The following ZNF90 variants were observed in gnomAD, a reference collection of about 807,000 sequenced individuals.
The protein encoded by ZNF90 is zinc finger protein HTF9.
A neutral mutation model predicts 12.0 loss-of-function variants in ZNF90; 11 were observed. The ratio of observed to expected loss-of-function variants is 0.92; its 90% confidence interval spans 0.58 to 1.52. ZNF90 has a LOEUF of 1.52. Ranked by LOEUF, ZNF90 falls within the 40% of genes most tolerant of loss-of-function variation. ZNF90 has a pLI of 0.00. For synonymous variants in ZNF90, 232 were observed against 240.1 expected (o/e 0.97, Z 0.31); for missense variants, 765 against 711.5 (o/e 1.08, Z -0.86).
chr19:20,078,223 G>A (rs970182801), intron 1 of ZNF90, 88 bp downstream of exon 1: 10 of 1,545,050 alleles, frequency 6.5e-6, no homozygotes, highest in African/African-American at 2.7e-5. Flanking sequence ...AGGCCTCCCC[G>A]CAGTCAGCTC....
intron 2 of ZNF90, among the ~76,000 whole-genome samples, 178 bp downstream of exon 2, chr19:20,104,543 T>C (rs1412696631): frequency 2.0e-5 from 3 of 152,216 alleles, no homozygotes; most frequent in Non-Finnish European, 4.4e-5. Flanking sequence ...TCATCTTAAT[T>C]TAAACTTTCC....
chr19:20,119,553 A>G lies in ZNF90; in HGVS notation c.*193A>G. 1 of 573,386 alleles carries G rather than the reference A, an allele frequency of 1.7e-6. No individual in the cohort carries two copies. The highest frequency in any genetic ancestry group is 3.0e-6 in the Non-Finnish European group (1 of 331,856). The allele number at this position is 573,386 out of a possible 1,614,324, so 35.5% of individuals were successfully genotyped here. Reference sequence around the variant, plus strand: ...AGGAAGTTCTCAACCCTTACTACACATAATTCATACTGGACGGAAACTCTA... The same window carrying G: ...AGGAAGTTCTCAACCCTTACTACACGTAATTCATACTGGACGGAAACTCTA... On this transcript the variant is annotated 3_prime_UTR_variant, in exon 4 of 4. Transcript: ENST00000418063.
chr19:20,101,253 C>T (rs557692155), intron 1 of ZNF90, among the ~76,000 whole-genome samples: 7 of 152,326 alleles, frequency 4.6e-5, no homozygotes, highest in East Asian at 1.9e-4. Context: ...GAACACTAGT[C>T]GCTGGGTTCC....
chr19:20,109,848 A>G (rs1302159523), intron 3 of ZNF90, among the ~76,000 whole-genome samples: 1 of 152,190 alleles, frequency 6.6e-6, no homozygotes, highest in Non-Finnish European at 1.5e-5. Flanking sequence ...CTCCAAAAAA[A>G]AAAGCTGTTT....
Position 20,119,371 on chromosome 19 carries a change from A to G in ZNF90, c.*11A>G. The G allele has an allele frequency of 6.4e-7, 1 of 1,556,076 alleles. No individual in the cohort carries two copies. The highest frequency in any genetic ancestry group is 8.7e-7 in the Non-Finnish European group (1 of 1,150,048). ...ATGGCAAATCTTTGAAATATTCCTC[A>G]ACCCTTAATAAACATAAGATAATTC... On this transcript the variant is annotated 3_prime_UTR_variant, in exon 4 of 4. Transcript: ENST00000418063.
intron 1 of ZNF90, among the ~76,000 whole-genome samples, chr19:20,090,548 G>T (rs1272523738): frequency 6.6e-6 from 1 of 152,112 alleles, no homozygotes; most frequent in Non-Finnish European, 1.5e-5. Flanking sequence ...GACTAAGTAG[G>T]GTCCCGTCCA....
At chr19:20,086,785 C>T (rs1446465881) in intron 1 of ZNF90, among the ~76,000 whole-genome samples, 8 of 152,120 alleles carry the variant, frequency 5.3e-5, no homozygotes, top group Admixed American at 4.6e-4. Flanking sequence ...CAAATTGTTA[C>T]ATTAAGTAGA....
At position 20,119,935 on chromosome 19, in the gene ZNF90, C is replaced by T. The variant is rs782440462; in HGVS notation, c.*575C>T. On this transcript the variant is annotated 3_prime_UTR_variant, in exon 4 of 4. Coordinates refer to ENST00000418063, the MANE Select transcript of ZNF90 (RefSeq NM_007138.2). ...GGTGATAATTCATGCTGAAGAGGAA[C>T]TTTACAAACTTGAAAGATGTGACAG... 3.3e-5 allele frequency among the ~76,000 whole-genome samples: 5 copies of T among 152,188 alleles called. No individual in the cohort carries two copies. Among genetic ancestry groups the T allele is most frequent in the Non-Finnish European group, 7.3e-5 (5 of 68,032 alleles).
chr19:20,104,963 C>T (rs1340015308), intron 2 of ZNF90, among the ~76,000 whole-genome samples: 2 of 152,066 alleles, frequency 1.3e-5, no homozygotes, highest in African/African-American at 4.8e-5. Context: ...CATTGCACAC[C>T]AGCCTGGGTA....
At chr19:20,106,974 T>C (rs1157847881) in intron 3 of ZNF90, 7 of 454,436 alleles carry the variant, frequency 1.5e-5, no homozygotes, top group African/African-American at 1.0e-4. Context: ...GACTTTGCTC[T>C]GTAGGGCAGA....
chr19:20,105,038 A>G (rs1388138940), intron 2 of ZNF90, among the ~76,000 whole-genome samples, 183 bp from the exon 3 acceptor site: 1 of 152,026 alleles, frequency 6.6e-6, no homozygotes, highest in African/African-American at 2.4e-5. Flanking sequence ...AAAACAAAAA[A>G]CCACACACAC....
intron 1 of ZNF90, among the ~76,000 whole-genome samples, chr19:20,103,140 A>G (rs2089003429): frequency 6.6e-6 from 1 of 152,186 alleles, no homozygotes; most frequent in South Asian, 2.1e-4. Context: ...GCGATCCTCG[A>G]GGCTGTGAAG....
chr19:20,082,216 G>A (rs1004199138), intron 1 of ZNF90, among the ~76,000 whole-genome samples: 2 of 151,958 alleles, frequency 1.3e-5, no homozygotes, highest in African/African-American at 2.4e-5. Flanking sequence ...GATCCTCATG[G>A]TCCTCCCACT....
intron 1 of ZNF90, among the ~76,000 whole-genome samples, chr19:20,096,559 C>A (rs1028312751): frequency 6.6e-6 from 1 of 151,546 alleles, no homozygotes; most frequent in African/African-American, 2.4e-5. Context: ...AGTGGGGGTG[C>A]TTTTTGAGCC....
chr19:20,106,748 C>T (rs932915014), intron 3 of ZNF90, among the ~76,000 whole-genome samples: 16 of 152,170 alleles, frequency 1.1e-4, no homozygotes, highest in Admixed American at 2.6e-4. Flanking sequence ...CCACTGCGCC[C>T]GGCCCAGGTT....
At chr19:20,108,137 A>C (rs868936432) in intron 3 of ZNF90, among the ~76,000 whole-genome samples, 16 of 138,670 alleles carry the variant, frequency 1.2e-4, no homozygotes, top group Middle Eastern at 3.6e-3. Context: ...TTTTTAACAA[A>C]TCTAGTTTTA....
chr19:20,112,571 C>T (rs1449223422), intron 3 of ZNF90, among the ~76,000 whole-genome samples: 1 of 152,112 alleles, frequency 6.6e-6, no homozygotes, highest in African/African-American at 2.4e-5. Context: ...ATCCACCCAC[C>T]TCGGCCTCCC....
chr19:20,105,214 A>G lies in ZNF90; in HGVS notation c.131-7A>G. 8 of 1,592,562 alleles carry G rather than the reference A, an allele frequency of 5.0e-6. No individual in the cohort carries two copies. Among genetic ancestry groups the G allele is most frequent in the African/African-American group, 1.3e-5 (1 of 74,074 alleles). On this transcript the variant is annotated splice_region_variant and splice_polypyrimidine_tract_variant and intron_variant, in intron 2 of 3. Transcript: ENST00000418063. ...AAGATTCATGTTATTTATTTTTAATAAAACAGGTATTGTTGTCACTAAGCC... is the reference window on the plus strand; with the variant it reads ...AAGATTCATGTTATTTATTTTTAATGAAACAGGTATTGTTGTCACTAAGCC...
intron 1 of ZNF90, among the ~76,000 whole-genome samples, chr19:20,094,681 A>G (rs1180335557): frequency 1.3e-5 from 2 of 152,196 alleles, no homozygotes; most frequent in Non-Finnish European, 2.9e-5. Context: ...GGGCTAGAGA[A>G]GAAACTCTTT....
Sources: gnomAD v4.1 joint callset for allele counts (sites outside exome capture counted in the v4.1 genomes callset) on GRCh38, gnomAD v4.1.1 for gene constraint, MANE v1.5 for transcripts, NCBI Gene and HGNC (gene_info 2026-07-23, HGNC 2026-07-21) for gene names.